The following GRIA4 variants were observed in gnomAD, a reference collection of about 807,000 sequenced individuals.
The protein encoded by GRIA4 is glutamate receptor 4.
Under a neutral mutation model 104.0 loss-of-function variants are expected in GRIA4, and 34 were observed. The ratio of observed to expected loss-of-function variants is 0.33; its 90% CI spans 0.25 to 0.44. The LOEUF (loss-of-function observed/expected upper bound fraction) is 0.44, where lower values mean the gene tolerates loss of function less well. Among genes scored for constraint, GRIA4 ranks in the 20% least tolerant of loss-of-function variants. The pLI, the probability that GRIA4 is intolerant of heterozygous loss-of-function variation, is 1.00. For missense variants in GRIA4, 750 were observed against 1,096.5 expected (o/e 0.68, Z 4.46); for synonymous variants, 386 against 381.9 (o/e 1.01, Z -0.13).
At chr11:105,807,705 T>A (rs2135858673) in intron 4 of GRIA4, among the ~76,000 whole-genome samples, 1 of 151,858 alleles carries the variant, frequency 6.6e-6, no homozygotes, top group South Asian at 2.1e-4. Context: ...CTCTGAGAAG[T>A]TGTTTGCTTG....
intron 11 of GRIA4, 122 bp downstream of exon 11, chr11:105,919,040 C>T (rs1947485175): frequency 1.6e-6 from 1 of 636,446 alleles, no homozygotes; most frequent in South Asian, 1.9e-5. Context: ...CCAAGAGGCA[C>T]ATACAGTGTT....
At chr11:105,893,776 C>A (rs1946539886) in intron 6 of GRIA4, among the ~76,000 whole-genome samples, 1 of 152,138 alleles carries the variant, frequency 6.6e-6, no homozygotes, top group Non-Finnish European at 1.5e-5. Flanking sequence ...GCAACTAATG[C>A]AATAGTTGAA....
At chr11:105,900,145 C>T (rs916503780) in intron 7 of GRIA4, among the ~76,000 whole-genome samples, 3 of 152,096 alleles carry the variant, frequency 2.0e-5, no homozygotes, top group Non-Finnish European at 2.9e-5. Flanking sequence ...CAAATAACCA[C>T]AAAAGTGCCA....
chr11:105,620,211 C>T (rs537771729), intron 3 of GRIA4, among the ~76,000 whole-genome samples: 2 of 151,990 alleles, frequency 1.3e-5, no homozygotes, highest in African/African-American at 4.8e-5. Context: ...TTTGACATTG[C>T]TGACAACTCC....
intron 3 of GRIA4, among the ~76,000 whole-genome samples, chr11:105,678,878 T>C (rs1952624255): frequency 6.6e-6 from 1 of 152,082 alleles, no homozygotes; most frequent in Non-Finnish European, 1.5e-5. Flanking sequence ...GATGAAGTGG[T>C]CATAAGTAAG....
chr11:105,684,531 A>G lies in GRIA4; in HGVS notation c.248-68450A>G, dbSNP rs1334248612. ...TTTCTTTTCTGAGTAAAAATAAGGC[A>G]AATATATATATATACATATATATAT... On this transcript the variant is annotated intron_variant, in intron 3 of 16. Transcript: ENST00000282499. 2.2e-4 allele frequency among the ~76,000 whole-genome samples: 13 copies of G among 57,920 alleles called. No homozygotes were observed. In the East Asian group the frequency reaches 6.7e-3, roughly 30 times the overall value. The allele number at this position is 57,920 out of a possible 152,430, so 38.0% of individuals were successfully genotyped here. A position where few individuals can be genotyped will look rare whatever the true frequency, so the allele number is the denominator to read the frequency against.
At chr11:105,724,093 G>A (rs562319887) in intron 3 of GRIA4, among the ~76,000 whole-genome samples, 1 of 152,118 alleles carries the variant, frequency 6.6e-6, no homozygotes, top group Admixed American at 6.5e-5. Context: ...CGTCTATAGA[G>A]AACAGTATGG....
At chr11:105,662,910 C>T (rs1459703917) in intron 3 of GRIA4, among the ~76,000 whole-genome samples, 1 of 151,698 alleles carries the variant, frequency 6.6e-6, no homozygotes, top group East Asian at 1.9e-4. Flanking sequence ...ATCATTGTAG[C>T]GACACTCACA....
At chr11:105,811,175 G>A (rs1247180796) in intron 4 of GRIA4, among the ~76,000 whole-genome samples, 1 of 152,152 alleles carries the variant, frequency 6.6e-6, no homozygotes, top group Non-Finnish European at 1.5e-5. Flanking sequence ...CCCATGATCA[G>A]CTGTTAAGAG....
At chr11:105,795,500 C>T (rs1349177535) in intron 4 of GRIA4, among the ~76,000 whole-genome samples, 1 of 151,970 alleles carries the variant, frequency 6.6e-6, no homozygotes, top group Non-Finnish European at 1.5e-5. Context: ...GTGATGTGGA[C>T]GTTTGGGTGC....
At chr11:105,773,074 T>C (rs1941286468) in intron 4 of GRIA4, among the ~76,000 whole-genome samples, 1 of 152,150 alleles carries the variant, frequency 6.6e-6, no homozygotes, top group African/African-American at 2.4e-5. Context: ...TACCCATTCA[T>C]TGCTAAATAG....
intron 14 of GRIA4, among the ~76,000 whole-genome samples, chr11:105,952,396 A>G (rs143496683): frequency 6.6e-6 from 1 of 152,312 alleles, no homozygotes; most frequent in African/African-American, 2.4e-5. Context: ...TGACAAAATC[A>G]TGAAGCTAAG....
chr11:105,719,610 G>T (rs756275498), intron 3 of GRIA4, among the ~76,000 whole-genome samples: 1 of 152,062 alleles, frequency 6.6e-6, no homozygotes, highest in East Asian at 1.9e-4. Context: ...TGTATGCTCA[G>T]TTCATTCTGA....
chr11:105,644,404 C>G (rs1951463063), intron 3 of GRIA4, among the ~76,000 whole-genome samples: 1 of 150,158 alleles, frequency 6.7e-6, no homozygotes, highest in African/African-American at 2.5e-5. Context: ...CCAGCCTAGC[C>G]TACATAGTGA....
At chr11:105,684,550 T>C (rs1252176325) in intron 3 of GRIA4, among the ~76,000 whole-genome samples, 3 of 145,698 alleles carry the variant, frequency 2.1e-5, no homozygotes, top group African/African-American at 7.6e-5. Context: ...TATATACATA[T>C]ATATATATAT....
intron 4 of GRIA4, among the ~76,000 whole-genome samples, chr11:105,820,564 A>G (rs1373592314): frequency 6.6e-6 from 1 of 152,014 alleles, no homozygotes; most frequent in Non-Finnish European, 1.5e-5. Context: ...TTTTTCCTAC[A>G]TGAAAATCCT....
chr11:105,725,170 T>A (rs75674131), intron 3 of GRIA4, among the ~76,000 whole-genome samples: 1 of 152,194 alleles, frequency 6.6e-6, no homozygotes, highest in East Asian at 1.9e-4. Context: ...ATTCAAGCAT[T>A]GAAACAGTTT....
chr11:105,912,946 G>A (rs982972185), intron 10 of GRIA4: 1 of 977,878 alleles, frequency 1.0e-6, no homozygotes, highest in Admixed American at 6.2e-5. Context: ...CCTATATCTA[G>A]ATATAGAAGG....
chr11:105,662,892 A>T (rs1952055414), intron 3 of GRIA4, among the ~76,000 whole-genome samples: 1 of 151,834 alleles, frequency 6.6e-6, no homozygotes, highest in Admixed American at 6.6e-5. Context: ...TAAACTCCAT[A>T]TGTAGACATC....
Sources: gnomAD v4.1 joint callset for allele counts (sites outside exome capture counted in the v4.1 genomes callset) on GRCh38, gnomAD v4.1.1 for gene constraint, MANE v1.5 for transcripts, NCBI Gene and HGNC (gene_info 2026-07-23, HGNC 2026-07-21) for gene names.